FSHR: variants seen among roughly 807,000 people sequenced by gnomAD.
FSHR encodes the protein follicle stimulating hormone receptor.
A neutral mutation model predicts 52.1 loss-of-function variants in FSHR; 46 were observed. The observed-to-expected ratio is 0.88, with a 90% CI of 0.70 to 1.13. The LOEUF is 1.13. Ranked by LOEUF, FSHR falls within the 50% of genes most tolerant of loss-of-function variation. FSHR has a pLI of 0.00. For synonymous variants in FSHR, 399 were observed against 309.6 expected (o/e 1.29, Z -3.03); for missense variants, 964 against 834.6 (o/e 1.16, Z -1.91).
At chr2:49,019,549 T>A (rs986575176) in intron 3 of FSHR, among the ~76,000 whole-genome samples, 2 of 152,200 alleles carry the variant, frequency 1.3e-5, no homozygotes, top group Admixed American at 6.5e-5. Context: ...ACATACACAC[T>A]CTAGGCCAGT....
intron 1 of FSHR, among the ~76,000 whole-genome samples, chr2:49,116,561 C>G (rs1671607373): frequency 6.6e-6 from 1 of 152,190 alleles, no homozygotes; most frequent in Admixed American, 6.5e-5. Context: ...AATGCACATA[C>G]AGTTCTCAGC....
At chr2:49,038,419 A>T (rs1180637603) in intron 2 of FSHR, among the ~76,000 whole-genome samples, 1 of 151,936 alleles carries the variant, frequency 6.6e-6, no homozygotes, top group Non-Finnish European at 1.5e-5. Context: ...CAGGAGATCG[A>T]GACCATCCTG....
intron 2 of FSHR, among the ~76,000 whole-genome samples, chr2:49,041,500 G>A (rs533205253): frequency 3.7e-4 from 57 of 152,188 alleles, no homozygotes; most frequent in African/African-American, 1.3e-3. Context: ...TTCCAGATAC[G>A]TGCATATCTA....
intron 1 of FSHR, among the ~76,000 whole-genome samples, chr2:49,105,894 G>A (rs914667884): frequency 6.6e-6 from 1 of 152,118 alleles, no homozygotes; most frequent in African/African-American, 2.4e-5. Flanking sequence ...TCATGGCAAG[G>A]TGAGGGTTCT....
intron 1 of FSHR, among the ~76,000 whole-genome samples, chr2:49,138,200 CAAG>C (rs1449385185): frequency 6.6e-6 from 1 of 152,032 alleles, no homozygotes; most frequent in Admixed American, 6.5e-5. Flanking sequence ...TTGCTGGAAT[CAAG>C]AAGTCAGATA....
At chr2:48,971,765 A>G (rs1283257315) in intron 8 of FSHR, among the ~76,000 whole-genome samples, 2 of 152,112 alleles carry the variant, frequency 1.3e-5, no homozygotes, top group Non-Finnish European at 2.9e-5. Context: ...TATATGTTTG[A>G]TGACTTTTTA....
At chr2:49,008,620 T>C (rs1348438740) in intron 4 of FSHR, among the ~76,000 whole-genome samples, 1 of 146,182 alleles carries the variant, frequency 6.8e-6, no homozygotes, top group Non-Finnish European at 1.5e-5. Context: ...CCACAATGGT[T>C]GAACTAGTTT....
At chr2:49,028,516 G>A (rs935617567) in intron 2 of FSHR, among the ~76,000 whole-genome samples, 1 of 152,192 alleles carries the variant, frequency 6.6e-6, no homozygotes, top group African/African-American at 2.4e-5. Flanking sequence ...GGGTTTTTGT[G>A]AGAATATTGG....
intron 1 of FSHR, among the ~76,000 whole-genome samples, chr2:49,112,402 G>A (rs977496110): frequency 1.3e-5 from 2 of 152,120 alleles, no homozygotes; most frequent in Admixed American, 1.3e-4. Flanking sequence ...ATGCAGTAGA[G>A]GAGGATTTGG....
At chr2:49,134,410 A>C (rs1485311103) in intron 1 of FSHR, among the ~76,000 whole-genome samples, 1 of 152,194 alleles carries the variant, frequency 6.6e-6, no homozygotes, top group Non-Finnish European at 1.5e-5. Context: ...AAAAGTCAGG[A>C]AACAACAGGT....
At chr2:49,003,408 G>T (rs1666973877) in intron 4 of FSHR, among the ~76,000 whole-genome samples, 1 of 152,098 alleles carries the variant, frequency 6.6e-6, no homozygotes, top group African/African-American at 2.4e-5. Flanking sequence ...CTACTTTGTG[G>T]TTTCCCCGTC....
At chr2:49,051,847 C>T (rs914348300) in intron 2 of FSHR, among the ~76,000 whole-genome samples, 3 of 152,078 alleles carry the variant, frequency 2.0e-5, no homozygotes, top group African/African-American at 7.2e-5. Context: ...CAATTATCCA[C>T]TTAAAGTTAA....
At position 48,998,293 on chromosome 2, in the gene FSHR, G is replaced by GA. The variant is rs906462997; in HGVS notation, c.375-7657dup. 1.1e-4 allele frequency among the ~76,000 whole-genome samples: 16 copies of GA among 150,508 alleles called. No individual in the cohort carries two copies. In the Middle Eastern group the frequency reaches 0.024, roughly 224 times the overall value. ...AATGAGGAGGAAGGCAACAGGATTT[G>GA]AAAAAAAAATCTGTGCTATGGATAA... On this transcript the variant is annotated intron_variant, in intron 4 of 9. Transcript: ENST00000406846.
At chr2:49,034,540 A>G (rs1347435679) in intron 2 of FSHR, among the ~76,000 whole-genome samples, 2 of 152,222 alleles carry the variant, frequency 1.3e-5, no homozygotes, top group Non-Finnish European at 2.9e-5. Flanking sequence ...TCTCAAGTGT[A>G]AAGTGAGTAA....
chr2:49,078,760 A>T (rs1670050563), intron 1 of FSHR, among the ~76,000 whole-genome samples: 1 of 152,150 alleles, frequency 6.6e-6, no homozygotes, highest in Admixed American at 6.5e-5. Context: ...CACTAAAATA[A>T]ATATACTGAA....
intron 1 of FSHR, among the ~76,000 whole-genome samples, chr2:49,075,812 GT>G (rs34641522): frequency 1.3e-5 from 2 of 151,540 alleles, no homozygotes; most frequent in South Asian, 4.2e-4. Context: ...TTTTGTTTGG[GT>G]TTTTTTGGGA....
At position 48,997,443 on chromosome 2, in the gene FSHR, C is replaced by G. The variant is rs187880149; in HGVS notation, c.375-6806G>C. ...GGCTTGGCTGCAGATTCTGTTCGGA[C>G]CTAGCATCCTAGATTTGCAATCAGC... On this transcript the variant is annotated intron_variant, in intron 4 of 9. Transcript: ENST00000406846. The G allele has an allele frequency of 2.9e-5, 27 of 925,204 alleles. No homozygotes were observed. In the East Asian group the frequency reaches 2.5e-3, roughly 85 times the overall value. 57.3% of individuals were successfully genotyped at this position (925,204 alleles called of 1,614,324 possible).
chr2:49,045,184 A>G (rs541115156), intron 2 of FSHR, among the ~76,000 whole-genome samples: 2 of 152,346 alleles, frequency 1.3e-5, no homozygotes, highest in East Asian at 3.9e-4. Context: ...TATTTTATCA[A>G]CAACTACACT....
chr2:49,109,188 T>C (rs543248012), intron 1 of FSHR, among the ~76,000 whole-genome samples: 32 of 152,220 alleles, frequency 2.1e-4, no homozygotes, highest in African/African-American at 7.5e-4. Context: ...AGATGAGCAG[T>C]GTGTTCTAGG....
Sources: allele counts gnomAD v4.1 joint callset (sites outside exome capture counted in the v4.1 genomes callset), GRCh38; gene constraint gnomAD v4.1.1; transcripts MANE v1.5; gene names NCBI Gene and HGNC (gene_info 2026-07-23, HGNC 2026-07-21).